Variants in RFTN1 observed in about 807,000 individuals in gnomAD.
The protein encoded by RFTN1 is raftlin.
A neutral mutation model predicts 46.5 loss-of-function variants in RFTN1; 26 were observed. That is an observed-to-expected ratio of 0.56 (90% confidence interval 0.41 to 0.78). The LOEUF is 0.78. RFTN1 is among the 30% of genes least tolerant of loss of function. The pLI is 0.00. For missense variants in RFTN1, 693 were observed against 718.7 expected, an observed-to-expected ratio of 0.96 and a Z score of 0.41; for synonymous variants, 261 against 284.2, an observed-to-expected ratio of 0.92 and a Z score of 0.82.
rs2075267739 is a variant in RFTN1 at position 16,425,289 on chromosome 3, A to C, written c.332+8562T>G. Reference sequence around the variant, plus strand: ...GGGGGCCTCTATTTTATTTAAAAACAAATACAGACATTTCATGGTACTGAA... The same window carrying C: ...GGGGGCCTCTATTTTATTTAAAAACCAATACAGACATTTCATGGTACTGAA... On this transcript the variant is annotated intron_variant, in intron 3 of 9. Transcript: ENST00000334133. This position sits in a 1 kb window ranked among gnomAD's most constrained non-coding sequence, Gnocchi z 4.3. Among the ~76,000 whole-genome samples, 1 of 152,224 alleles carries C rather than the reference A, an allele frequency of 6.6e-6. No individual in the cohort carries two copies. Among genetic ancestry groups the C allele is most frequent in the South Asian group, 2.1e-4 (1 of 4,832 alleles).
chr3:16,352,131 C>T lies in RFTN1; in HGVS notation c.1146+5801G>A, dbSNP rs547204286. On this transcript the variant is annotated intron_variant, in intron 7 of 9. Transcript: ENST00000334133. This position sits in a 1 kb window ranked among gnomAD's most constrained non-coding sequence, Gnocchi z 4.6. ...TTTGGGTCTCTTTAATTGGCTTTTTCAATTAACCCACCAGCCACCATACCA... is the reference window on the plus strand; with the variant it reads ...TTTGGGTCTCTTTAATTGGCTTTTTTAATTAACCCACCAGCCACCATACCA... Among the ~76,000 whole-genome samples the T allele has an allele frequency of 6.6e-6, 1 of 152,328 alleles. No individual in the cohort carries two copies. Among genetic ancestry groups the T allele is most frequent in the East Asian group, 1.9e-4 (1 of 5,188 alleles).
chr3:16,351,305 C>G lies in RFTN1; in HGVS notation c.1146+6627G>C, dbSNP rs752462160. On this transcript the variant is annotated intron_variant, in intron 7 of 9. Coordinates refer to ENST00000334133, the MANE Select transcript of RFTN1 (RefSeq NM_015150.2). This position sits in a 1 kb window ranked among gnomAD's most constrained non-coding sequence, Gnocchi z 5.4. ...GTTTGCCATTGAGACCAGTCAGGAG[C>G]CTCCATACATATGAAGCCTTCAGGG... 4.6e-5 allele frequency among the ~76,000 whole-genome samples: 7 copies of G among 152,134 alleles called. No homozygotes were observed. Among genetic ancestry groups the G allele is most frequent in the Non-Finnish European group, 7.4e-5 (5 of 68,026 alleles).
rs2076394352 is a variant in RFTN1 at position 16,483,068 on chromosome 3, G to A, written c.145+10657C>T. Among the ~76,000 whole-genome samples the A allele has an allele frequency of 2.6e-5, 4 of 152,124 alleles. No homozygotes were observed. Among genetic ancestry groups the A allele is most frequent in the East Asian group, 1.9e-4 (1 of 5,194 alleles). On this transcript the variant is annotated intron_variant, in intron 2 of 9. Coordinates refer to ENST00000334133, the MANE Select transcript of RFTN1 (RefSeq NM_015150.2). The surrounding 1 kb of genome is among the most constrained non-coding windows in gnomAD (Gnocchi z 4.8). ...TTTACTTAGAAAAAATGCCATCAAC[G>A]TCAGTGACTGTATGCTCAGTTCTGC...
In RFTN1 at chr3:16,459,484, A is replaced by G. The variant is rs947518245; in HGVS notation, c.146-25447T>C. On this transcript the variant is annotated intron_variant, in intron 2 of 9. Coordinates refer to ENST00000334133, the MANE Select transcript of RFTN1 (RefSeq NM_015150.2). This position sits in a 1 kb window ranked among gnomAD's most constrained non-coding sequence, Gnocchi z 4.2. ...AGCAGCGTGTGCCTTTATCCCAGCT[A>G]CTTGGAGACTAAGGTGGGGCACTGC... 6.6e-6 allele frequency among the ~76,000 whole-genome samples: 1 copy of G among 152,182 alleles called. No individual in the cohort carries two copies. The highest frequency in any genetic ancestry group is 2.4e-5 in the African/African-American group (1 of 41,444).
chr3:16,346,568 G>A lies in RFTN1; in HGVS notation c.1146+11364C>T, dbSNP rs949848973. ...TGGCTGCCAAAGCCAACAGCCCCTC[G>A]ATGGCCCAGGGCTTCTTCCTCACTG... On this transcript the variant is annotated intron_variant, in intron 7 of 9. Coordinates refer to ENST00000334133, the MANE Select transcript of RFTN1 (RefSeq NM_015150.2). The surrounding 1 kb of genome is among the most constrained non-coding windows in gnomAD (Gnocchi z 4.4). 2 of 152,158 alleles carry A rather than the reference G, an allele frequency of 1.3e-5. No homozygotes were observed. The highest frequency in any genetic ancestry group is 6.6e-5 in the Admixed American group (1 of 15,266). 9.4% of individuals were successfully genotyped at this position (152,158 alleles called of 1,614,324 possible). A position where few individuals can be genotyped will look rare whatever the true frequency, so the allele number is the denominator to read the frequency against.
chr3:16,378,698 T>TG (rs2073876970), intron 4 of RFTN1, among the ~76,000 whole-genome samples: 1 of 152,096 alleles, frequency 6.6e-6, no homozygotes, highest in South Asian at 2.1e-4. Flanking sequence ...ATGGACACCT[T>TG]GCTCCCTGGT....
intron 8 of RFTN1, 66 bp from the exon 9 acceptor site, chr3:16,323,523 T>C: frequency 8.8e-7 from 1 of 1,141,696 alleles, no homozygotes; most frequent in Non-Finnish European, 1.3e-6. Flanking sequence ...CTGACACAGA[T>C]GTTGCCATCC....
chr3:16,480,516 A>G lies in RFTN1; in HGVS notation c.145+13209T>C, dbSNP rs1187736473. On this transcript the variant is annotated intron_variant, in intron 2 of 9. Transcript: ENST00000334133. The surrounding 1 kb of genome is among the most constrained non-coding windows in gnomAD (Gnocchi z 4.3). ...AGGAGCCCTGACCTGTAAACAAAGA[A>G]GAGTATGCCTGAAACACAGAACTGA... is the stretch of plus-strand genomic sequence containing the variant. Among the ~76,000 whole-genome samples, 1 of 152,228 alleles carries G rather than the reference A, an allele frequency of 6.6e-6. No individual in the cohort carries two copies. The highest frequency in any genetic ancestry group is 1.5e-5 in the Non-Finnish European group (1 of 68,042).
At chr3:16,434,304 G>T (rs975914791) in intron 2 of RFTN1, among the ~76,000 whole-genome samples, 3 of 152,062 alleles carry the variant, frequency 2.0e-5, no homozygotes, top group Non-Finnish European at 4.4e-5. Flanking sequence ...CAGATGGATC[G>T]CTTGAGCCGA....
At chr3:16,420,768 A>G (rs925425719) in intron 3 of RFTN1, among the ~76,000 whole-genome samples, 2 of 152,256 alleles carry the variant, frequency 1.3e-5, no homozygotes, top group African/African-American at 2.4e-5. Context: ...TTAAATGGCT[A>G]TACATGGCTA....
At position 16,357,960 on chromosome 3, in the gene RFTN1, A is replaced by C; in HGVS notation, c.1118T>G (p.Ile373Ser). 6.2e-7 allele frequency: 1 copy of C among 1,611,610 alleles called. No homozygotes were observed. Among genetic ancestry groups the C allele is most frequent in the Non-Finnish European group, 8.5e-7 (1 of 1,178,426 alleles). ...CAGGACTGTCCATTGTTCAACCACA[A>C]TAGCATCATAGCCCTGTATGGTTTT... ...DSKTIQGYDA[I>S]VVEQWTVLEG... Residue 373 changes from isoleucine (I) to serine (S), a missense_variant, in exon 7 of 10, where the codon ATT (isoleucine) becomes AGT (serine). By Grantham distance (142) the Ile-to-Ser change is moderately radical. Coordinates refer to ENST00000334133, the MANE Select transcript of RFTN1 (RefSeq NM_015150.2).
chr3:16,379,005 C>T (rs2073888570), intron 4 of RFTN1, among the ~76,000 whole-genome samples: 1 of 152,172 alleles, frequency 6.6e-6, no homozygotes. Context: ...CCAGCCAAAG[C>T]CAGAAGGTAG....
rs961144305 is a variant in RFTN1, at chr3:16,474,638, T to C, written c.145+19087A>G. On this transcript the variant is annotated intron_variant, in intron 2 of 9. Transcript: ENST00000334133. This position sits in a 1 kb window ranked among gnomAD's most constrained non-coding sequence, Gnocchi z 5.5. The stretch of plus-strand genomic sequence containing the variant: ...AAAATAGGCTCCCCTCCAATGCAAT[T>C]TTTAAACCACTGATTCACCATGCAA... Among the ~76,000 whole-genome samples the C allele has an allele frequency of 6.6e-6, 1 of 152,180 alleles. No homozygotes were observed. Among genetic ancestry groups the C allele is most frequent in the Non-Finnish European group, 1.5e-5 (1 of 68,020 alleles).
intron 5 of RFTN1, among the ~76,000 whole-genome samples, chr3:16,375,884 T>C (rs1279839312): frequency 6.6e-6 from 1 of 152,018 alleles, no homozygotes; most frequent in East Asian, 1.9e-4. Flanking sequence ...CCAAGATGCT[T>C]TGGGTGTCAA....
chr3:16,472,408 C>T (rs1450066295), intron 2 of RFTN1: 16 of 152,184 alleles, frequency 1.1e-4, no homozygotes, highest in Admixed American at 1.0e-3. Flanking sequence ...CAGATCCAAA[C>T]CTAAGCCAAG....
chr3:16,390,085 T>A (rs1227333199), intron 4 of RFTN1, among the ~76,000 whole-genome samples: 1 of 152,226 alleles, frequency 6.6e-6, no homozygotes, highest in Admixed American at 6.5e-5. Context: ...TGATACCATG[T>A]GAAATGGAGA....
At chr3:16,396,572 G>C (rs2074474752) in intron 4 of RFTN1, among the ~76,000 whole-genome samples, 1 of 152,148 alleles carries the variant, frequency 6.6e-6, no homozygotes, top group Non-Finnish European at 1.5e-5. Flanking sequence ...AAAGAGAGGA[G>C]GGAGTTTTTA....
rs942009045 is a variant in RFTN1, at chr3:16,345,620, C to G, written c.1146+12312G>C. Among the ~76,000 whole-genome samples the G allele has an allele frequency of 2.6e-5, 4 of 152,074 alleles. No individual in the cohort carries two copies. Among genetic ancestry groups the G allele is most frequent in the African/African-American group, 2.4e-5 (1 of 41,406 alleles). On this transcript the variant is annotated intron_variant, in intron 7 of 9. Coordinates refer to ENST00000334133, the MANE Select transcript of RFTN1 (RefSeq NM_015150.2). The surrounding 1 kb of genome is among the most constrained non-coding windows in gnomAD (Gnocchi z 5.2). The stretch of plus-strand genomic sequence containing the variant: ...ACGTCCATCTTCTGCCCTTGTTGCT[C>G]CTGGTTCTCAGGGCTTGGGACCTGG...
rs2074956746 is a variant in RFTN1 at position 16,410,235 on chromosome 3, ACAC to A, written c.333-755_333-753del. ...TATACACACACACACACACACACAC[ACAC>A]ACACACACACACACACACACAAACT... On this transcript the variant is annotated intron_variant, in intron 3 of 9. Coordinates refer to ENST00000334133, the MANE Select transcript of RFTN1 (RefSeq NM_015150.2). The surrounding 1 kb of genome is among the most constrained non-coding windows in gnomAD (Gnocchi z 4.6). Among the ~76,000 whole-genome samples the A allele has an allele frequency of 6.7e-6, 1 of 150,194 alleles. No individual in the cohort carries two copies. The highest frequency in any genetic ancestry group is 2.4e-5 in the African/African-American group (1 of 40,930).
Sources: gnomAD v4.1 joint callset for allele counts (sites outside exome capture counted in the v4.1 genomes callset) on GRCh38, gnomAD v4.1.1 for gene constraint, Gnocchi (gnomAD v3.1) non-coding constraint, MANE v1.5 for transcripts, NCBI Gene and HGNC (gene_info 2026-07-23, HGNC 2026-07-21) for gene names.